Variants in TSC22D3 observed in about 807,000 individuals in gnomAD.
The protein encoded by TSC22D3 is TSC22 domain family member 3.
TSC22D3 carries 4 observed loss-of-function variants against 11.1 expected under a neutral mutation model. That is an observed-to-expected ratio of 0.36 (90% CI 0.18 to 0.83). The LOEUF is 0.83. Among genes scored for constraint, TSC22D3 ranks in the 40% least tolerant of loss-of-function variants. TSC22D3 has a pLI of 0.48. For synonymous variants in TSC22D3, 77 were observed against 70.3 expected (o/e 1.10, Z -0.48); for missense variants, 118 against 159.4 (o/e 0.74, Z 1.40).
chrX:107,770,049 A>G (rs1929838728), intron 1 of TSC22D3, among the ~76,000 whole-genome samples: 1 of 112,631 alleles, frequency 8.9e-6, no homozygotes. Context: ...TGATACCAAA[A>G]GCAAAAATCA....
intron 1 of TSC22D3, among the ~76,000 whole-genome samples, chrX:107,723,289 A>G (rs962872888): frequency 7.1e-5 from 8 of 112,033 alleles, no homozygotes; most frequent in Non-Finnish European, 1.5e-4. Context: ...CCCTTCCTTA[A>G]CTGCAGGGCT....
chrX:107,731,277 C>T (rs184878965), intron 1 of TSC22D3, among the ~76,000 whole-genome samples: 4 of 111,708 alleles, frequency 3.6e-5, no homozygotes, highest in East Asian at 2.8e-4. Flanking sequence ...ATGAATACTA[C>T]GCTCTTATGC....
intron 1 of TSC22D3, among the ~76,000 whole-genome samples, chrX:107,718,357 T>G (rs1203579206): frequency 8.9e-6 from 1 of 112,516 alleles, no homozygotes; most frequent in Non-Finnish European, 1.9e-5. Flanking sequence ...GAACATTGGG[T>G]TCCACCACAT....
intron 1 of TSC22D3, among the ~76,000 whole-genome samples, chrX:107,744,716 C>T (rs186255445): frequency 9.0e-6 from 1 of 111,662 alleles, no homozygotes; most frequent in Non-Finnish European, 1.9e-5. Context: ...CACCTAATTC[C>T]TCCTAAAGCC....
At chrX:107,769,481 A>G (rs1239121978) in intron 1 of TSC22D3, among the ~76,000 whole-genome samples, 2 of 111,235 alleles carry the variant, frequency 1.8e-5, no homozygotes, top group African/African-American at 6.6e-5. Context: ...GGGTAGTGGG[A>G]GGGGAAAATA....
At chrX:107,764,302 A>G (rs1929566719) in intron 1 of TSC22D3, among the ~76,000 whole-genome samples, 1 of 112,260 alleles carries the variant, frequency 8.9e-6, no homozygotes, top group Admixed American at 9.4e-5. Context: ...AAAGTGTGCA[A>G]TGAATATTTG....
chrX:107,737,820 C>T (rs964272441), intron 1 of TSC22D3, among the ~76,000 whole-genome samples: 2 of 111,844 alleles, frequency 1.8e-5, no homozygotes, highest in African/African-American at 3.3e-5. Flanking sequence ...GAAAACAGGG[C>T]CAGATCAATG....
chrX:107,743,192 G>C (rs1004417218), intron 1 of TSC22D3, among the ~76,000 whole-genome samples: 20 of 112,543 alleles, frequency 1.8e-4, no homozygotes, highest in African/African-American at 5.2e-4. Context: ...GCGGCACAAC[G>C]ACAAACACAG....
At chrX:107,721,611 C>T (rs1248390084) in intron 1 of TSC22D3, among the ~76,000 whole-genome samples, 3 of 112,108 alleles carry the variant, frequency 2.7e-5, no homozygotes, top group Admixed American at 9.4e-5. Context: ...CCCAAAGGTT[C>T]GGCAATGTTG....
intron 1 of TSC22D3, among the ~76,000 whole-genome samples, chrX:107,766,033 C>A (rs1929638641): frequency 4.5e-5 from 5 of 112,140 alleles, no homozygotes; most frequent in Non-Finnish European, 7.5e-5. Flanking sequence ...AGTGTCCCCA[C>A]CTACTCACAG....
Position 107,723,730 on chromosome X carries a change from C to T in TSC22D3, c.321-7780G>A, listed in dbSNP as rs763851813. Among the ~76,000 whole-genome samples the T allele has an allele frequency of 2.3e-3, 264 of 112,914 alleles. 2 individuals are homozygous for T. The highest frequency in any genetic ancestry group is 7.9e-3 in the African/African-American group (247 of 31,111). ...TGCTCTGTGGAACAGTTCCAAGAGC[C>T]GAAATTCCAAGCCATTTTCTCTGGC... On this transcript the variant is annotated intron_variant, in intron 1 of 2. Coordinates refer to ENST00000372383, the MANE Select transcript of TSC22D3 (RefSeq NM_198057.3).
At chrX:107,759,412 G>A (rs777674490) in intron 1 of TSC22D3, among the ~76,000 whole-genome samples, 2 of 111,912 alleles carry the variant, frequency 1.8e-5, no homozygotes, top group Non-Finnish European at 3.8e-5. Context: ...TGCGTTGAAA[G>A]AGACCCTAGA....
In TSC22D3 at chrX:107,720,972, CT is replaced by C. The variant is rs1317640112; in HGVS notation, c.321-5023del. Among the ~76,000 whole-genome samples the C allele has an allele frequency of 5.4e-5, 6 of 111,558 alleles. No individual in the cohort carries two copies. In the East Asian group the frequency reaches 1.7e-3, roughly 32 times the overall value. ...TGGGCCCCAAACAGGAAACAGTGGC[CT>C]AGGCATTCAATGGCCCAGCTACCCC... is the stretch of plus-strand genomic sequence containing the variant. On this transcript the variant is annotated intron_variant, in intron 1 of 2. Coordinates refer to ENST00000372383, the MANE Select transcript of TSC22D3 (RefSeq NM_198057.3).
chrX:107,734,878 TA>T (rs781386272), intron 1 of TSC22D3, among the ~76,000 whole-genome samples: 11,620 of 36,627 alleles, frequency 0.32, 1,269 homozygotes, highest in Non-Finnish European at 0.37. Context: ...CAACTCTACG[TA>T]AAAAAAAAAA....
chrX:107,717,144 G>C, intron 1 of TSC22D3: 1 of 798,941 alleles, frequency 1.3e-6, no homozygotes, highest in Non-Finnish European at 1.5e-6. Flanking sequence ...AATGAGTCCT[G>C]TACCGGGCTT....
At chrX:107,750,266 G>A (rs1602400598) in intron 1 of TSC22D3, among the ~76,000 whole-genome samples, 2 of 107,902 alleles carry the variant, frequency 1.9e-5, no homozygotes, top group Middle Eastern at 4.7e-3. Context: ...GTGGTGTGGC[G>A]GAGTGGGGAG....
chrX:107,749,478 A>G (rs1267246685), intron 1 of TSC22D3, among the ~76,000 whole-genome samples: 1 of 111,059 alleles, frequency 9.0e-6, no homozygotes, highest in Non-Finnish European at 1.9e-5. Context: ...TTTTTTAGAA[A>G]CAGGGTCTTG....
At chrX:107,756,691 G>T (rs1929195665) in intron 1 of TSC22D3, among the ~76,000 whole-genome samples, 1 of 112,670 alleles carries the variant, frequency 8.9e-6, no homozygotes, top group Non-Finnish European at 1.9e-5. Flanking sequence ...CCCAGCCAAG[G>T]CTGGGGTTTG....
At chrX:107,722,596 G>A (rs773851180) in intron 1 of TSC22D3, among the ~76,000 whole-genome samples, 56 of 111,826 alleles carry the variant, frequency 5.0e-4, no homozygotes, top group African/African-American at 1.8e-3. Flanking sequence ...TAGCTCAGTG[G>A]ATCTTAAATT....
Sources: gnomAD v4.1 joint callset for allele counts (sites outside exome capture counted in the v4.1 genomes callset) on GRCh38, gnomAD v4.1.1 for gene constraint, MANE v1.5 for transcripts, NCBI Gene and HGNC (gene_info 2026-07-23, HGNC 2026-07-21) for gene names.